The following TATDN2 variants were observed in gnomAD, a reference collection of about 807,000 sequenced individuals.
TATDN2 encodes TatD DNase domain containing 2, also known as 3'-5' RNA nuclease TATDN2.
A neutral mutation model predicts 60.3 loss-of-function variants in TATDN2; 44 were observed. That is an observed-to-expected ratio of 0.73 (90% CI 0.57 to 0.94). The LOEUF (loss-of-function observed/expected upper bound fraction) is 0.94, where lower values mean the gene tolerates loss of function less well. Ranked by LOEUF, TATDN2 falls within the 40% of genes least tolerant of loss-of-function variation. The pLI, the probability that TATDN2 is intolerant of heterozygous loss-of-function variation, is 0.00. For missense variants in TATDN2, 997 were observed against 948.0 expected, an observed-to-expected ratio of 1.05 and a Z score of -0.68; for synonymous variants, 399 against 355.8, an observed-to-expected ratio of 1.12 and a Z score of -1.37.
intron 3 of TATDN2, among the ~76,000 whole-genome samples, chr3:10,269,774 A>G (rs1166563721): frequency 6.6e-6 from 1 of 152,172 alleles, no homozygotes; most frequent in African/African-American, 2.4e-5. Context: ...CAGAGAGGAA[A>G]AGCTGGGCAC....
intron 5 of TATDN2, among the ~76,000 whole-genome samples, chr3:10,276,945 A>C (rs1199601427): frequency 2.0e-5 from 3 of 148,602 alleles, no homozygotes; most frequent in African/African-American, 7.4e-5. Context: ...AATTTCTCAT[A>C]TTTGACCTTT....
At chr3:10,261,134 A>T (rs1698395700) in intron 3 of TATDN2, among the ~76,000 whole-genome samples, 1 of 152,172 alleles carries the variant, frequency 6.6e-6, no homozygotes. Flanking sequence ...AGGAGAGTGC[A>T]TTCCTTCCCT....
intron 1 of TATDN2, 42 bp from the exon 2 acceptor site, chr3:10,249,153 A>T: frequency 6.8e-7 from 1 of 1,479,086 alleles, no homozygotes; most frequent in South Asian, 1.4e-5. Context: ...TGGGGTCGCC[A>T]GGAAGGGTGG....
chr3:10,279,075 C>T lies in TATDN2; in HGVS notation c.*38+12C>T. The T allele has an allele frequency of 6.3e-7, 1 of 1,583,502 alleles. No homozygotes were observed. Among genetic ancestry groups the T allele is most frequent in the Non-Finnish European group, 8.6e-7 (1 of 1,166,930 alleles). ...GTCTCCTAGAAAAGGTCGTAAAACT[C>T]ACATTCTGTATTTTTTAAAAACCAG... On this transcript the variant is annotated intron_variant, in intron 7 of 7. Transcript: ENST00000448281.
chr3:10,263,833 G>A (rs1439991361), intron 3 of TATDN2, among the ~76,000 whole-genome samples: 3 of 152,174 alleles, frequency 2.0e-5, no homozygotes, highest in East Asian at 1.9e-4. Flanking sequence ...AGCTCTGAGC[G>A]TAAAGACTTT....
intron 4 of TATDN2, among the ~76,000 whole-genome samples, chr3:10,272,872 CAA>C (rs796447999): frequency 9.7e-5 from 13 of 133,586 alleles, no homozygotes; most frequent in African/African-American, 1.1e-4. Flanking sequence ...CTATCTCTAC[CAA>C]AAAAAAAAAA....
intron 2 of TATDN2, 78 bp from the exon 3 acceptor site, chr3:10,260,059 G>T (rs1354904552): frequency 6.7e-7 from 1 of 1,489,770 alleles, no homozygotes; most frequent in Non-Finnish European, 9.0e-7. Context: ...AACCACCACT[G>T]ATTTATAATT....
rs1267010997 is a variant in TATDN2, at chr3:10,276,405, C to T, written c.1878C>T (p.Pro626=). The stretch of plus-strand genomic sequence containing the variant: ...AGCTGGCTGTGTCTCTAAAGAAGCC[C>T]TTGGTGATCCACTGCCGAGAAGCTG... ...QLQLAVSLKK[P]LVIHCREADE... Residue 626 remains proline, a synonymous_variant, in exon 5 of 8, where the codon CCC becomes CCT. Transcript: ENST00000448281. The T allele has an allele frequency of 6.2e-7, 1 of 1,613,978 alleles. No individual in the cohort carries two copies.
intron 3 of TATDN2, among the ~76,000 whole-genome samples, chr3:10,266,965 C>T (rs1698486167): frequency 1.5e-5 from 2 of 129,518 alleles, no homozygotes; most frequent in African/African-American, 2.8e-5. Context: ...GAGTCTTGCT[C>T]TATCACCCAG....
chr3:10,265,541 G>C (rs1194422508), intron 3 of TATDN2, among the ~76,000 whole-genome samples: 1 of 150,248 alleles, frequency 6.7e-6, no homozygotes, highest in Non-Finnish European at 1.5e-5. Flanking sequence ...AATTAGCCAG[G>C]TATGGTGGCG....
At chr3:10,257,250 A>C (rs1049690823) in intron 2 of TATDN2, among the ~76,000 whole-genome samples, 1 of 148,432 alleles carries the variant, frequency 6.7e-6, no homozygotes, top group Non-Finnish European at 1.5e-5. Context: ...TACACCCCGC[A>C]CTCCAGCCTG....
At chr3:10,260,832 AT>A (rs1698391483) in intron 3 of TATDN2, among the ~76,000 whole-genome samples, 162 bp downstream of exon 3, 1 of 149,780 alleles carries the variant, frequency 6.7e-6, no homozygotes, top group African/African-American at 2.5e-5. Flanking sequence ...TACTTTTCAG[AT>A]TTTCAGAGTT....
chr3:10,277,718 A>G (rs886937701), intron 5 of TATDN2, among the ~76,000 whole-genome samples: 1 of 152,154 alleles, frequency 6.6e-6, no homozygotes, highest in Admixed American at 6.5e-5. Flanking sequence ...CTAACTTTGA[A>G]GGAAATGTAA....
At chr3:10,264,580 T>C (rs1698450988) in intron 3 of TATDN2, among the ~76,000 whole-genome samples, 1 of 152,178 alleles carries the variant, frequency 6.6e-6, no homozygotes, top group African/African-American at 2.4e-5. Flanking sequence ...TTCTGGACCA[T>C]CTATTTTATG....
chr3:10,273,179 G>T (rs1445783529), intron 4 of TATDN2, among the ~76,000 whole-genome samples: 1 of 152,230 alleles, frequency 6.6e-6, no homozygotes, highest in Non-Finnish European at 1.5e-5. Flanking sequence ...AAGACTGGAA[G>T]ATAATGAGTC....
At chr3:10,272,021 C>T (rs886760849) in intron 4 of TATDN2, among the ~76,000 whole-genome samples, 14 of 152,164 alleles carry the variant, frequency 9.2e-5, no homozygotes, top group African/African-American at 1.7e-4. Context: ...TGAGCCACTG[C>T]GCCCGCCCCC....
chr3:10,266,988 T>C (rs1475071184), intron 3 of TATDN2, among the ~76,000 whole-genome samples: 3 of 149,484 alleles, frequency 2.0e-5, no homozygotes, highest in Non-Finnish European at 3.0e-5. Flanking sequence ...TGGAGTACAG[T>C]GGCTCACTGC....
chr3:10,253,364 A>T (rs1339055006), intron 2 of TATDN2, among the ~76,000 whole-genome samples: 1 of 152,144 alleles, frequency 6.6e-6, no homozygotes, highest in African/African-American at 2.4e-5. Flanking sequence ...AGCCTTTAAC[A>T]CATCTTTCTC....
At chr3:10,250,189 T>C (rs543134816) in intron 2 of TATDN2, among the ~76,000 whole-genome samples, 70 of 151,770 alleles carry the variant, frequency 4.6e-4, no homozygotes, top group Middle Eastern at 3.4e-3. Context: ...TTTTCTTTTT[T>C]TTTTGGAGGT....
Sources: allele counts gnomAD v4.1 joint callset (sites outside exome capture counted in the v4.1 genomes callset), GRCh38; gene constraint gnomAD v4.1.1; transcripts MANE v1.5; gene names NCBI Gene and HGNC (gene_info 2026-07-23, HGNC 2026-07-21).